Variants in DYNC1I1 observed in about 807,000 individuals in gnomAD.
DYNC1I1 encodes the protein cytoplasmic dynein 1 intermediate chain 1.
In DYNC1I1, 43 loss-of-function variants were observed where a neutral mutation model predicts 86.6. That is an observed-to-expected ratio of 0.50 (90% CI 0.39 to 0.64). The LOEUF is 0.64. Ranked by LOEUF, DYNC1I1 falls within the 30% of genes least tolerant of loss-of-function variation. DYNC1I1 has a pLI of 0.00. For synonymous variants in DYNC1I1, 262 were observed against 283.7 expected (o/e 0.92, Z 0.77); for missense variants, 604 against 788.8 (o/e 0.77, Z 2.81).
chr7:95,849,285 A>G (rs1789516423), intron 5 of DYNC1I1, among the ~76,000 whole-genome samples: 2 of 152,144 alleles, frequency 1.3e-5, no homozygotes, highest in Admixed American at 1.3e-4. Flanking sequence ...GTCATTTCCC[A>G]AAAATCCTTG....
chr7:95,860,940 G>C (rs1329618430), intron 5 of DYNC1I1, among the ~76,000 whole-genome samples: 1 of 152,046 alleles, frequency 6.6e-6, no homozygotes, highest in Non-Finnish European at 1.5e-5. Flanking sequence ...TACAATTGGG[G>C]TTTTCAATAT....
intron 15 of DYNC1I1, among the ~76,000 whole-genome samples, chr7:96,078,763 C>G (rs1156549592): frequency 6.6e-6 from 1 of 152,070 alleles, no homozygotes; most frequent in East Asian, 1.9e-4. Flanking sequence ...TAGAATTAAG[C>G]AAGAATCCTG....
intron 6 of DYNC1I1, among the ~76,000 whole-genome samples, chr7:95,936,956 T>TCTCTCACA (rs750834189): frequency 6.0e-5 from 8 of 134,190 alleles, no homozygotes; most frequent in Non-Finnish European, 8.0e-5. Flanking sequence ...AGAATATGTC[T>TCTCTCACA]CACACACACA....
chr7:96,080,317 A>C, intron 15 of DYNC1I1, 46 bp from the exon 16 acceptor site: 1 of 1,513,796 alleles, frequency 6.6e-7, no homozygotes, highest in Non-Finnish European at 8.8e-7. Context: ...GTATATTTAA[A>C]TTCATATTCA....
At chr7:95,847,312 C>T (rs1232322605) in intron 5 of DYNC1I1, among the ~76,000 whole-genome samples, 1 of 152,152 alleles carries the variant, frequency 6.6e-6, no homozygotes. Context: ...GACCATCAAT[C>T]ACAGATCTTT....
chr7:95,944,265 C>A (rs1792329496), intron 6 of DYNC1I1, among the ~76,000 whole-genome samples: 1 of 152,188 alleles, frequency 6.6e-6, no homozygotes, highest in Non-Finnish European at 1.5e-5. Context: ...CCAAAAGACA[C>A]ATGAAAAAAT....
chr7:96,063,107 A>ATG (rs983610560), intron 14 of DYNC1I1, among the ~76,000 whole-genome samples: 17,554 of 128,934 alleles, frequency 0.14, 1,083 homozygotes, highest in Non-Finnish European at 0.15. Context: ...GTGTATATAT[A>ATG]TGTGTGTGTG....
chr7:95,776,796 C>A (rs1380394095), intron 1 of DYNC1I1, among the ~76,000 whole-genome samples: 1 of 152,188 alleles, frequency 6.6e-6, no homozygotes, highest in Admixed American at 6.5e-5. Flanking sequence ...GCAGGCAGTC[C>A]TAGCTTGGCT....
chr7:95,843,908 G>C (rs966910043), intron 5 of DYNC1I1, among the ~76,000 whole-genome samples: 2 of 152,206 alleles, frequency 1.3e-5, no homozygotes, highest in Admixed American at 1.3e-4. Context: ...AGGATCACAG[G>C]AGAGAAAGAA....
chr7:95,919,023 T>A (rs1584159518), intron 6 of DYNC1I1, among the ~76,000 whole-genome samples: 2 of 152,292 alleles, frequency 1.3e-5, no homozygotes, highest in Admixed American at 6.5e-5. Context: ...CTGAAGAAGT[T>A]GTTCCTTTTG....
chr7:96,000,578 A>G (rs1793984791), intron 10 of DYNC1I1, among the ~76,000 whole-genome samples: 1 of 152,218 alleles, frequency 6.6e-6, no homozygotes, highest in Non-Finnish European at 1.5e-5. Context: ...CAGACATCCC[A>G]AAACACTTCT....
intron 2 of DYNC1I1, among the ~76,000 whole-genome samples, chr7:95,807,169 G>A (rs1373170403): frequency 6.6e-6 from 1 of 152,124 alleles, no homozygotes; most frequent in East Asian, 1.9e-4. Flanking sequence ...CTCTGCTGGT[G>A]AGGCCATTTT....
At chr7:95,777,819 C>T (rs1229563401) in intron 1 of DYNC1I1, among the ~76,000 whole-genome samples, 1 of 152,168 alleles carries the variant, frequency 6.6e-6, no homozygotes, top group Non-Finnish European at 1.5e-5. Flanking sequence ...CTTCATTATG[C>T]TTTAACTCAG....
rs1170169784 is a variant in DYNC1I1 at position 95,804,853 on chromosome 7, TG to T, written c.108+20del. The T allele has an allele frequency of 2.6e-6, 4 of 1,537,286 alleles. No individual in the cohort carries two copies. Among genetic ancestry groups the T allele is most frequent in the African/African-American group, 2.8e-5 (2 of 71,880 alleles). On this transcript the variant is annotated intron_variant, in intron 2 of 16. Transcript: ENST00000447467. ...AAAGAAAGAGGTAAATCCTGGGTGT[TG>T]GGGTGTTGTGGGGGAAAAAGGAAAA... is the stretch of plus-strand genomic sequence containing the variant.
At chr7:96,082,238 A>G (rs139791638) in intron 16 of DYNC1I1, among the ~76,000 whole-genome samples, 1 of 151,992 alleles carries the variant, frequency 6.6e-6, no homozygotes, top group African/African-American at 2.4e-5. Flanking sequence ...GATATTCTTT[A>G]TTGGTCACTT....
chr7:96,046,249 G>A (rs1789213114), intron 14 of DYNC1I1, among the ~76,000 whole-genome samples: 1 of 152,088 alleles, frequency 6.6e-6, no homozygotes, highest in South Asian at 2.1e-4. Flanking sequence ...TGATTGTGTT[G>A]ATTTATTTTT....
intron 13 of DYNC1I1, among the ~76,000 whole-genome samples, chr7:96,038,438 G>A (rs1402840135): frequency 1.3e-5 from 2 of 152,170 alleles, no homozygotes; most frequent in African/African-American, 4.8e-5. Context: ...AATAATAACA[G>A]CTTAGTTAAA....
intron 5 of DYNC1I1, among the ~76,000 whole-genome samples, chr7:95,844,099 G>A (rs762148449): frequency 8.5e-5 from 13 of 152,286 alleles, no homozygotes; most frequent in Non-Finnish European, 1.6e-4. Flanking sequence ...CATAAGAAGA[G>A]CAGGGCTGGG....
At chr7:95,963,468 G>A (rs1364936986) in intron 6 of DYNC1I1, among the ~76,000 whole-genome samples, 1 of 152,152 alleles carries the variant, frequency 6.6e-6, no homozygotes, top group East Asian at 1.9e-4. Context: ...GTTAAAGGGG[G>A]CAATTTAGGT....
Sources: gnomAD v4.1 joint callset for allele counts (sites outside exome capture counted in the v4.1 genomes callset) on GRCh38, gnomAD v4.1.1 for gene constraint, MANE v1.5 for transcripts, NCBI Gene and HGNC (gene_info 2026-07-23, HGNC 2026-07-21) for gene names.